The following GATB variants were observed in gnomAD, a reference collection of about 807,000 sequenced individuals.
The protein encoded by GATB is glutamyl-tRNA(Gln) amidotransferase subunit B, mitochondrial.
GATB carries 39 observed loss-of-function variants against 62.3 expected under a neutral mutation model. That is an observed-to-expected ratio of 0.63 (90% CI 0.48 to 0.82). GATB has a LOEUF of 0.82. GATB is among the 40% of genes least tolerant of loss of function. GATB has a pLI of 0.00. For missense variants in GATB, 670 were observed against 684.0 expected, an observed-to-expected ratio of 0.98 and a Z score of 0.23; for synonymous variants, 276 against 258.9, an observed-to-expected ratio of 1.07 and a Z score of -0.63.
At position 151,671,235 on chromosome 4, in the gene GATB, G is replaced by A; in HGVS notation, c.1613C>T (p.Thr538Ile). ...NKLIGLVRKA[T>I]QSRADPVMIK... Reference sequence around the variant, plus strand: ...CATGACTGGATCTGCTCGGCTTTGAGTCGCTTTCCGGACCAACCCAATCAG... The same window carrying A: ...CATGACTGGATCTGCTCGGCTTTGAATCGCTTTCCGGACCAACCCAATCAG... Residue 538 changes from threonine to isoleucine, a missense_variant, in exon 13 of 13, where the codon ACT (threonine) becomes ATT (isoleucine). By Grantham distance (89) the Thr-to-Ile change is moderately conservative. Coordinates refer to ENST00000263985, the MANE Select transcript of GATB (RefSeq NM_004564.3). 2 of 1,614,118 alleles carry A rather than the reference G, an allele frequency of 1.2e-6. No individual in the cohort carries two copies. The highest frequency in any genetic ancestry group is 1.7e-6 in the Non-Finnish European group (2 of 1,179,998).
chr4:151,684,940 C>A (rs551825510), intron 10 of GATB, among the ~76,000 whole-genome samples: 15 of 152,302 alleles, frequency 9.8e-5, no homozygotes, highest in African/African-American at 3.4e-4. Flanking sequence ...ACTTCACAGA[C>A]CAACATATAC....
At chr4:151,702,602 G>A (rs1384226705) in intron 8 of GATB, among the ~76,000 whole-genome samples, 2 of 152,152 alleles carry the variant, frequency 1.3e-5, no homozygotes, top group Non-Finnish European at 2.9e-5. Context: ...AGTGGGGAGC[G>A]GGAGTATGTG....
At chr4:151,696,527 C>A (rs552414959) in intron 9 of GATB, among the ~76,000 whole-genome samples, 1 of 152,256 alleles carries the variant, frequency 6.6e-6, no homozygotes, top group African/African-American at 2.4e-5. Context: ...AGAGCGTAGG[C>A]CTTGAAGTCA....
chr4:151,735,610 G>C (rs1739355592), intron 2 of GATB, among the ~76,000 whole-genome samples: 2 of 151,246 alleles, frequency 1.3e-5, no homozygotes, highest in Admixed American at 1.3e-4. Context: ...CAGAGGTAAA[G>C]AAGTCATTAT....
intron 9 of GATB, among the ~76,000 whole-genome samples, chr4:151,692,732 G>A (rs1266825122): frequency 5.3e-5 from 8 of 152,146 alleles, no homozygotes; most frequent in South Asian, 2.1e-4. Context: ...AAGGTCCTGC[G>A]AGCACACCCA....
At chr4:151,731,597 G>A (rs1739252399) in intron 2 of GATB, among the ~76,000 whole-genome samples, 2 of 151,936 alleles carry the variant, frequency 1.3e-5, no homozygotes, top group African/African-American at 2.4e-5. Flanking sequence ...TGTGAGGAAC[G>A]CCTCTGCCCG....
rs77625066 is a variant in GATB, at chr4:151,691,421, C to T, written c.1198-2658G>A. Among the ~76,000 whole-genome samples, 685 of 152,286 alleles carry T rather than the reference C, an allele frequency of 4.5e-3. 3 individuals carry two copies. Among genetic ancestry groups the T allele is most frequent in the Middle Eastern group, 0.01 (3 of 294 alleles). On this transcript the variant is annotated intron_variant, in intron 9 of 12. Transcript: ENST00000263985. ...CTCTATGACTGGGAAGCATCTTTTT[C>T]ACATTTTAATCAGATTTCCCAAAGC...
At chr4:151,747,479 G>T (rs558658204) in intron 2 of GATB, among the ~76,000 whole-genome samples, 30 of 152,196 alleles carry the variant, frequency 2.0e-4, no homozygotes, top group Non-Finnish European at 3.5e-4. Context: ...AGGGGGCCAA[G>T]AAATTAACAT....
At chr4:151,671,570 C>G (rs1175665156) in intron 12 of GATB, among the ~76,000 whole-genome samples, 1 of 152,110 alleles carries the variant, frequency 6.6e-6, no homozygotes, top group Non-Finnish European at 1.5e-5. Context: ...CACGTGGGAG[C>G]CAGGGCCCTC....
At chr4:151,682,212 G>A (rs1738154213) in intron 10 of GATB, among the ~76,000 whole-genome samples, 1 of 152,168 alleles carries the variant, frequency 6.6e-6, no homozygotes. Context: ...TACGATGCCT[G>A]TCACACAGTA....
intron 9 of GATB, 106 bp downstream of exon 9, chr4:151,701,223 G>A (rs1278994189): frequency 1.1e-5 from 9 of 832,578 alleles, no homozygotes; most frequent in African/African-American, 3.5e-5. Flanking sequence ...CAAGAAACAC[G>A]CCCACCCCAC....
At chr4:151,740,873 C>T (rs539702440) in intron 2 of GATB, among the ~76,000 whole-genome samples, 4 of 151,942 alleles carry the variant, frequency 2.6e-5, no homozygotes, top group South Asian at 2.1e-4. Flanking sequence ...ATGAACTACT[C>T]GAATGGCAGA....
At chr4:151,760,101 T>C (rs188250762) in intron 1 of GATB, among the ~76,000 whole-genome samples, 1 of 152,316 alleles carries the variant, frequency 6.6e-6, no homozygotes, top group Non-Finnish European at 1.5e-5. Context: ...CCTCTGTTCC[T>C]CCAACTGAAA....
intron 2 of GATB, among the ~76,000 whole-genome samples, chr4:151,741,795 G>T (rs116002964): frequency 0.013 from 2,009 of 152,286 alleles, 40 homozygotes; most frequent in African/African-American, 0.046. Context: ...GCTTTTTGTT[G>T]TTCTTTAGGA....
chr4:151,722,454 G>A, intron 2 of GATB: 1 of 503,036 alleles, frequency 2.0e-6, no homozygotes. Context: ...CAAAGGCCAA[G>A]CTCTTACATG....
intron 9 of GATB, among the ~76,000 whole-genome samples, chr4:151,694,202 T>C (rs1738425028): frequency 6.6e-6 from 1 of 152,200 alleles, no homozygotes; most frequent in African/African-American, 2.4e-5. Context: ...GCCTGAAACC[T>C]GAAATAATAT....
chr4:151,749,656 C>G (rs986602710), intron 2 of GATB, among the ~76,000 whole-genome samples: 1 of 151,548 alleles, frequency 6.6e-6, no homozygotes, highest in African/African-American at 2.4e-5. Flanking sequence ...TATAATAAAA[C>G]AAAAAGAAAA....
intron 10 of GATB, among the ~76,000 whole-genome samples, chr4:151,685,421 T>C (rs10028410): frequency 0.6 from 90,938 of 152,106 alleles, 29,763 homozygotes; most frequent in African/African-American, 0.89. Context: ...GATGGGTTCA[T>C]GGCTGAATCC....
At chr4:151,692,924 G>A (rs1010210643) in intron 9 of GATB, among the ~76,000 whole-genome samples, 1 of 152,196 alleles carries the variant, frequency 6.6e-6, no homozygotes, top group Non-Finnish European at 1.5e-5. Flanking sequence ...ATCTGCAGAC[G>A]GAACCACAGG....
Sources: allele counts gnomAD v4.1 joint callset (sites outside exome capture counted in the v4.1 genomes callset), GRCh38; gene constraint gnomAD v4.1.1; transcripts MANE v1.5; gene names NCBI Gene and HGNC (gene_info 2026-07-23, HGNC 2026-07-21).